CDH4: variants seen among roughly 807,000 people sequenced by gnomAD.
CDH4 encodes cadherin-4.
In CDH4, 33 loss-of-function variants were observed where a neutral mutation model predicts 86.0. That is an observed-to-expected ratio of 0.38 (90% CI 0.29 to 0.51). CDH4 has a LOEUF of 0.51. CDH4 is among the 20% of genes least tolerant of loss of function. The probability of loss-of-function intolerance (pLI) is 0.86; values close to 1 mark genes in which losing one functional copy is unlikely to be tolerated. For missense variants in CDH4, 1,114 were observed against 1,307.4 expected, an observed-to-expected ratio of 0.85 and a Z score of 2.28; for synonymous variants, 555 against 549.4, an observed-to-expected ratio of 1.01 and a Z score of -0.14.
At chr20:61,738,457 C>T (rs747184350) in intron 2 of CDH4, 1 of 152,064 alleles carries the variant, frequency 6.6e-6, no homozygotes, top group Non-Finnish European at 1.5e-5. Context: ...CTTTTGTCCC[C>T]CACAGTACTT....
At position 61,778,550 on chromosome 20, in the gene CDH4, G is replaced by A. The variant is rs905421913; in HGVS notation, c.576+5368G>A. On this transcript the variant is annotated intron_variant, in intron 4 of 15. Coordinates refer to ENST00000614565, the MANE Select transcript of CDH4 (RefSeq NM_001794.5). ...AAGCAAAGGGGTGGCTCTAATTGGC[G>A]GGGCTGTGGAGCCAGGGGTATCTGT... Among the ~76,000 whole-genome samples the A allele has an allele frequency of 3.9e-5, 6 of 152,084 alleles. No individual in the cohort carries two copies. In the East Asian group the frequency reaches 1.2e-3, roughly 29 times the overall value.
At chr20:61,779,539 A>T (rs1433052210) in intron 4 of CDH4, among the ~76,000 whole-genome samples, 1 of 152,270 alleles carries the variant, frequency 6.6e-6, no homozygotes, top group East Asian at 1.9e-4. Flanking sequence ...CCTACACCGA[A>T]CAACTCAAAT....
Position 61,548,983 on chromosome 20 carries a change from CG to C in CDH4, c.170-194574del, listed in dbSNP as rs377171059. On this transcript the variant is annotated intron_variant, in intron 2 of 15. Coordinates refer to ENST00000614565, the MANE Select transcript of CDH4 (RefSeq NM_001794.5). ...TAAAACTACAAATGCCTTCGGGTCT[CG>C]GGGGGAGAGGCGGGTGGAAGCCGCC... Among the ~76,000 whole-genome samples the C allele has an allele frequency of 4.0e-5, 6 of 151,714 alleles. 1 individual carries two copies. In the South Asian group the frequency reaches 8.4e-4, roughly 21 times the overall value.
intron 2 of CDH4, among the ~76,000 whole-genome samples, chr20:61,735,007 T>C (rs191270988): frequency 6.7e-6 from 1 of 149,436 alleles, no homozygotes; most frequent in Non-Finnish European, 1.5e-5. Flanking sequence ...CCCCTCCCTG[T>C]GGCCCCTCCC....
chr20:61,533,477 G>A (rs1424412297), intron 2 of CDH4, among the ~76,000 whole-genome samples: 1 of 152,240 alleles, frequency 6.6e-6, no homozygotes, highest in Non-Finnish European at 1.5e-5. Context: ...AGACAGGAAA[G>A]ACCCGCGTGG....
chr20:61,616,528 G>A (rs1271730269), intron 2 of CDH4, among the ~76,000 whole-genome samples: 1 of 152,216 alleles, frequency 6.6e-6, no homozygotes, highest in Non-Finnish European at 1.5e-5. Context: ...GGTTAGTGGG[G>A]TAAATAATAG....
rs115189881 is a variant in CDH4, at chr20:61,361,799, C to T, written c.169+106862C>T. On this transcript the variant is annotated intron_variant, in intron 2 of 15. Transcript: ENST00000614565. ...GGCATAGGGAGGAGGTGCCGTGGTG[C>T]GGAACCCGGGGTGCCTGCCCGCAAG... Among the ~76,000 whole-genome samples, 478 of 152,262 alleles carry T rather than the reference C, an allele frequency of 3.1e-3. 1 individual carries two copies. The highest frequency in any genetic ancestry group is 5.7e-3 in the African/African-American group (235 of 41,560).
At chr20:61,304,910 A>G (rs1321457750) in intron 2 of CDH4, among the ~76,000 whole-genome samples, 1 of 139,712 alleles carries the variant, frequency 7.2e-6, no homozygotes, top group Non-Finnish European at 1.5e-5. Flanking sequence ...TTTGTGCAGT[A>G]TGTTGCGTGT....
intron 2 of CDH4, among the ~76,000 whole-genome samples, chr20:61,474,572 G>A (rs2085524483): frequency 6.6e-6 from 1 of 151,968 alleles, no homozygotes; most frequent in Non-Finnish European, 1.5e-5. Flanking sequence ...AAGAGATGCT[G>A]TAATATTTTT....
intron 2 of CDH4, among the ~76,000 whole-genome samples, chr20:61,389,278 G>T (rs1454186831): frequency 1.3e-5 from 2 of 152,334 alleles, no homozygotes; most frequent in African/African-American, 4.8e-5. Context: ...CCTTGACCAT[G>T]TGGCGGCCTG....
chr20:61,893,486 G>A (rs1984947074), intron 7 of CDH4, among the ~76,000 whole-genome samples: 1 of 151,170 alleles, frequency 6.6e-6, no homozygotes, highest in African/African-American at 2.4e-5. Context: ...GTAGAGGGAT[G>A]GTGGATGGGT....
intron 2 of CDH4, among the ~76,000 whole-genome samples, chr20:61,571,408 G>T (rs527634911): frequency 6.6e-6 from 1 of 152,142 alleles, no homozygotes; most frequent in African/African-American, 2.4e-5. Flanking sequence ...ATGCCCAGAG[G>T]GTACCTGGGC....
intron 2 of CDH4, among the ~76,000 whole-genome samples, chr20:61,526,727 G>C (rs1276535727): frequency 6.8e-6 from 1 of 146,730 alleles, no homozygotes; most frequent in Non-Finnish European, 1.5e-5. Flanking sequence ...GGATATGAGT[G>C]ATGGGGAGAC....
chr20:61,432,442 G>A (rs1194578030), intron 2 of CDH4, among the ~76,000 whole-genome samples: 1 of 152,124 alleles, frequency 6.6e-6, no homozygotes, highest in East Asian at 1.9e-4. Flanking sequence ...ATCTTCTTTT[G>A]TGGAGTGTCT....
At position 61,626,798 on chromosome 20, in the gene CDH4, C is replaced by G. The variant is rs187637344; in HGVS notation, c.170-116765C>G. Among the ~76,000 whole-genome samples the G allele has an allele frequency of 9.8e-5, 15 of 152,320 alleles. 1 individual carries two copies. The highest frequency in any genetic ancestry group is 7.8e-4 in the Admixed American group (12 of 15,312). ...TGATAGGAAGGCAGCCATTGTAACT[C>G]AGAGCCTCCTGAATTTTTTAAATTG... On this transcript the variant is annotated intron_variant, in intron 2 of 15. Transcript: ENST00000614565.
intron 9 of CDH4, among the ~76,000 whole-genome samples, chr20:61,920,090 G>GTGAT (rs2054956044): frequency 3.7e-4 from 1 of 2,702 alleles, no homozygotes; most frequent in Non-Finnish European, 8.0e-4. Context: ...CGGTGATTGC[G>GTGAT]TGGAAGCATG....
rs1026460233 is a variant in CDH4 at position 61,392,912 on chromosome 20, G to A, written c.169+137975G>A. On this transcript the variant is annotated intron_variant, in intron 2 of 15. Coordinates refer to ENST00000614565, the MANE Select transcript of CDH4 (RefSeq NM_001794.5). This position sits in a 1 kb window ranked among gnomAD's most constrained non-coding sequence, Gnocchi z 5.7. ...CCAGTGGATTGACATAAAGTCTCCC[G>A]ATCAGGGAAGGAGGTGCAGATACTC... Among the ~76,000 whole-genome samples, 3 of 146,350 alleles carry A rather than the reference G, an allele frequency of 2.0e-5. No homozygotes were observed. The East Asian group carries it at 6.4e-4, about 31-fold the overall frequency.
rs138581816 is a variant in CDH4 at position 61,881,087 on chromosome 20, A to G, written c.1050+7187A>G. Among the ~76,000 whole-genome samples the G allele has an allele frequency of 2.4e-4, 36 of 152,256 alleles. No homozygotes were observed. The East Asian group carries it at 6.4e-3, about 27-fold the overall frequency. Reference sequence around the variant, plus strand: ...AGGAAGCTGAGTGCCCCTTACACCCACCAGCATGTAGGGTTCCTGCGGCCA... The same window carrying G: ...AGGAAGCTGAGTGCCCCTTACACCCGCCAGCATGTAGGGTTCCTGCGGCCA... On this transcript the variant is annotated intron_variant, in intron 7 of 15. Coordinates refer to ENST00000614565, the MANE Select transcript of CDH4 (RefSeq NM_001794.5).
At chr20:61,838,115 G>A (rs978061829) in intron 4 of CDH4, among the ~76,000 whole-genome samples, 1 of 150,254 alleles carries the variant, frequency 6.7e-6, no homozygotes, top group African/African-American at 2.4e-5. Context: ...TCCCTACGCA[G>A]CTGGGTGACT....
Sources: gnomAD v4.1 joint callset for allele counts (sites outside exome capture counted in the v4.1 genomes callset) on GRCh38, gnomAD v4.1.1 for gene constraint, Gnocchi (gnomAD v3.1) non-coding constraint, MANE v1.5 for transcripts, NCBI Gene and HGNC (gene_info 2026-07-23, HGNC 2026-07-21) for gene names.